CARD14: variants seen among roughly 807,000 people sequenced by gnomAD.
CARD14 encodes caspase recruitment domain family member 14, also known as caspase recruitment domain-containing protein 14.
A neutral mutation model predicts 111.5 loss-of-function variants in CARD14; 107 were observed. The observed-to-expected ratio is 0.96, with a 90% CI of 0.82 to 1.13. CARD14 has a LOEUF of 1.13. Among genes scored for constraint, CARD14 ranks in the 50% most tolerant of loss-of-function variants. The pLI, the probability that CARD14 is intolerant of heterozygous loss-of-function variation, is 0.00. For missense variants in CARD14, 1,322 were observed against 1,362.3 expected (o/e 0.97, Z 0.47); for synonymous variants, 617 against 579.6 (o/e 1.06, Z -0.93).
Position 80,204,266 on chromosome 17 carries a change from A to G in CARD14, c.2323A>G (p.Ser775Gly). ...GGPQKLVRIV[S>G]MDKAKASPLR... is the part of the protein sequence containing the mutation. ...ACCACAGAAGCTGGTCCGCATCGTC[A>G]GTATGGACAAAGCCAAGGCCAGCCC... The change falls in exon 20 of 24, where the codon AGT becomes GGT. Residue 775 changes from serine (S) to glycine (G), a missense_variant. By Grantham distance (56) the Ser-to-Gly change is moderately conservative. Transcript: ENST00000648509. 1.3e-6 allele frequency: 2 copies of G among 1,599,574 alleles called. No individual in the cohort carries two copies. The highest frequency in any genetic ancestry group is 1.7e-5 in the Admixed American group (1 of 59,624).
At chr17:80,180,668 T>C (rs1269198772) in intron 4 of CARD14, among the ~76,000 whole-genome samples, 2 of 151,910 alleles carry the variant, frequency 1.3e-5, no homozygotes, top group Admixed American at 6.6e-5. Context: ...GCCGACAGTC[T>C]TGCTTCTAAT....
At chr17:80,185,342 C>T (rs1319584298) in intron 7 of CARD14, among the ~76,000 whole-genome samples, 3 of 152,118 alleles carry the variant, frequency 2.0e-5, no homozygotes, top group Non-Finnish European at 2.9e-5. Flanking sequence ...TGAGCCCCTG[C>T]GCTGGCCAGC....
At position 80,205,547 on chromosome 17, in the gene CARD14, G is replaced by A. The variant is rs1457399191; in HGVS notation, c.2586G>A (p.Glu862=). The A allele has an allele frequency of 1.3e-6, 2 of 1,585,858 alleles. No homozygotes were observed. Among genetic ancestry groups the A allele is most frequent in the Non-Finnish European group, 1.7e-6 (2 of 1,165,444 alleles). Residue 862 remains glutamate, a synonymous_variant, in exon 22 of 24, where the codon GAG becomes GAA. Coordinates refer to ENST00000648509, the MANE Select transcript of CARD14 (RefSeq NM_001366385.1). The stretch of plus-strand genomic sequence containing the variant: ...CACCTGTAGAGTACTTGAGCCAGGA[G>A]GAGTATGAGGCCTGGAGCCAGAGAG... ...KKCLAEYLSQ[E]EYEAWSQRGD... is the part of the protein sequence containing the mutation.
At chr17:80,176,200 G>T (rs7215759) in intron 2 of CARD14, among the ~76,000 whole-genome samples, 147,123 of 147,150 alleles carry the variant, frequency 1, 73,548 homozygotes, top group Middle Eastern at 1. Flanking sequence ...GAGGCTGAGG[G>T]GGGAGGATCA....
Position 80,182,518 on chromosome 17 carries a change from C to A in CARD14, c.212-135C>A, listed in dbSNP as rs80334117. On this transcript the variant is annotated intron_variant, in intron 5 of 23. Coordinates refer to ENST00000648509, the MANE Select transcript of CARD14 (RefSeq NM_001366385.1). The surrounding 1 kb of genome is among the most constrained non-coding windows in gnomAD (Gnocchi z 4.7). Reference sequence around the variant, plus strand: ...TCCCACCCAGCAGAACCCAGAAAACCGCTTTCACCTCCCGATTCTTACATG... The same window carrying A: ...TCCCACCCAGCAGAACCCAGAAAACAGCTTTCACCTCCCGATTCTTACATG... 1,589 of 1,055,628 alleles carry A rather than the reference C, an allele frequency of 1.5e-3. 23 individuals are homozygous for A. In the African/African-American group the frequency reaches 0.022, roughly 14 times the overall value. 65.4% of individuals were successfully genotyped at this position (1,055,628 alleles called of 1,614,324 possible).
chr17:80,185,959 G>A (rs529497014), intron 7 of CARD14, among the ~76,000 whole-genome samples: 2 of 152,370 alleles, frequency 1.3e-5, no homozygotes, highest in South Asian at 4.1e-4. Flanking sequence ...ACGTCACACC[G>A]TCCACCATTT....
chr17:80,185,680 G>T (rs542156729), intron 7 of CARD14, among the ~76,000 whole-genome samples: 12 of 152,242 alleles, frequency 7.9e-5, no homozygotes, highest in African/African-American at 4.8e-5. Context: ...CCAGCCCAGG[G>T]TCGGGCCCTG....
Position 80,203,947 on chromosome 17 carries a change from G to A in CARD14, c.2283+62G>A. 7.5e-7 allele frequency: 1 copy of A among 1,342,076 alleles called. No individual in the cohort carries two copies. Among genetic ancestry groups the A allele is most frequent in the Non-Finnish European group, 1.0e-6 (1 of 965,390 alleles). 83.1% of individuals were successfully genotyped at this position (1,342,076 alleles called of 1,614,324 possible). A position where few individuals can be genotyped will look rare whatever the true frequency, so the allele number is the denominator to read the frequency against. On this transcript the variant is annotated intron_variant, in intron 19 of 23. Transcript: ENST00000648509. The surrounding 1 kb of genome is among the most constrained non-coding windows in gnomAD (Gnocchi z 4.6). ...TGGGCTGGAAGAGGGGCTCGGTGCT[G>A]GCAGGGTGGCAGGAGGCACTGTGTG...
chr17:80,203,742 ACTCTCCCCTGCTCGG>A lies in CARD14; in HGVS notation c.2220-68_2220-54del, dbSNP rs1412360131. Reference sequence around the variant, plus strand: ...TCTCTCCCACCCGGCCATCTCCCCCACTCTCCCCTGCTCGGCTCTCCCCTGCCCTGCTCACCTGGC... The same window carrying A: ...TCTCTCCCACCCGGCCATCTCCCCCACTCTCCCCTGCCCTGCTCACCTGGC... On this transcript the variant is annotated intron_variant, in intron 18 of 23. Transcript: ENST00000648509. The surrounding 1 kb of genome is among the most constrained non-coding windows in gnomAD (Gnocchi z 4.6). The A allele has an allele frequency of 2.7e-6, 3 of 1,099,092 alleles. No homozygotes were observed. The highest frequency in any genetic ancestry group is 4.0e-6 in the Non-Finnish European group (3 of 753,728). The allele number at this position is 1,099,092 out of a possible 1,614,324, so 68.1% of individuals were successfully genotyped here. A position where few individuals can be genotyped will look rare whatever the true frequency, so the allele number is the denominator to read the frequency against.
chr17:80,183,783 CATGCTCACCCGCCCA>C, intron 6 of CARD14, 115 bp from the exon 7 acceptor site: 1 of 688,994 alleles, frequency 1.5e-6, no homozygotes, highest in Non-Finnish European at 2.3e-6. Context: ...CACCCGCCCA[CATGCTCACCCGCCCA>C]CATGCTCACC....
intron 16 of CARD14, among the ~76,000 whole-genome samples, chr17:80,200,278 C>T (rs1431377578): frequency 2.1e-5 from 3 of 146,062 alleles, no homozygotes; most frequent in Non-Finnish European, 3.0e-5. Flanking sequence ...GCTCTGTCGC[C>T]CAGGCTGGAG....
chr17:80,191,411 C>G lies in CARD14; in HGVS notation c.1178C>G (p.Thr393Arg), dbSNP rs149287760. The G allele has an allele frequency of 2.5e-6, 4 of 1,613,656 alleles. 1 individual carries two copies. Among genetic ancestry groups the G allele is most frequent in the South Asian group, 2.2e-5 (2 of 91,060 alleles). Reference protein sequence around the residue: ...DSLRRQVFELTDQVCELRTQL... With the variant: ...DSLRRQVFELRDQVCELRTQL... ...CTCCGCAGGCAGGTGTTCGAGCTGACGGACCAGGTCTGCGAGCTGCGCACA... is the reference window on the plus strand; with the variant it reads ...CTCCGCAGGCAGGTGTTCGAGCTGAGGGACCAGGTCTGCGAGCTGCGCACA... Residue 393 changes from threonine (T) to arginine (R), a missense_variant, in exon 11 of 24, where the codon ACG becomes AGG. Transcript: ENST00000648509.
chr17:80,204,150 A>G, intron 19 of CARD14, 77 bp from the exon 20 acceptor site: 5 of 1,422,542 alleles, frequency 3.5e-6, no homozygotes, highest in Non-Finnish European at 4.8e-6. Context: ...CCCTAGTGCC[A>G]ATCATCTCCC....
Position 80,203,811 on chromosome 17 carries a change from G to A in CARD14, c.2220-11G>A. 1 of 1,564,582 alleles carries A rather than the reference G, an allele frequency of 6.4e-7. No homozygotes were observed. The highest frequency in any genetic ancestry group is 1.9e-5 in the Admixed American group (1 of 52,086). The stretch of plus-strand genomic sequence containing the variant: ...AGGCAGCTGGGTCAGGGCCTCTGCT[G>A]GTCTCTGCAGGGCTCAGCAGCAGCT... On this transcript the variant is annotated splice_polypyrimidine_tract_variant and intron_variant, in intron 18 of 23. Coordinates refer to ENST00000648509, the MANE Select transcript of CARD14 (RefSeq NM_001366385.1). The surrounding 1 kb of genome is among the most constrained non-coding windows in gnomAD (Gnocchi z 4.6).
intron 12 of CARD14, among the ~76,000 whole-genome samples, chr17:80,194,681 C>G (rs562961691): frequency 6.6e-6 from 1 of 152,096 alleles, no homozygotes; most frequent in Non-Finnish European, 1.5e-5. Flanking sequence ...CTTCGCAGAG[C>G]GGCAGGAGAG....
rs5822329 is a variant in CARD14, at chr17:80,203,269, C to CAAA, written c.2220-540_2220-538dup. The CAAA allele has an allele frequency of 9.2e-6, 1 of 108,662 alleles. No homozygotes were observed. The highest frequency in any genetic ancestry group is 2.1e-5 in the Non-Finnish European group (1 of 48,458). The allele number at this position is 108,662 out of a possible 1,614,324, so 6.7% of individuals were successfully genotyped here. On this transcript the variant is annotated intron_variant, in intron 18 of 23. Coordinates refer to ENST00000648509, the MANE Select transcript of CARD14 (RefSeq NM_001366385.1). This position sits in a 1 kb window ranked among gnomAD's most constrained non-coding sequence, Gnocchi z 4.6. Reference sequence around the variant, plus strand: ...TGGGCGACAGAGTGAGACTCTGTCTCAAAAAAAAAAAAAAAGAAAAGGAAA... The same window carrying CAAA: ...TGGGCGACAGAGTGAGACTCTGTCTCAAAAAAAAAAAAAAAAAAGAAAAGGAAA...
Position 80,182,690 on chromosome 17 carries a change from C to T in CARD14, c.249C>T (p.Asn83=), listed in dbSNP as rs148170776. Residue 83 remains asparagine (N), a synonymous_variant, in exon 6 of 24, where the codon AAC becomes AAT. Transcript: ENST00000648509. The surrounding 1 kb of genome is among the most constrained non-coding windows in gnomAD (Gnocchi z 4.7). ...ATTTGCTGAAGACTCGAGGGAAGAACGGGGCCATCGCCTTCCTGGAGAGCC... is the reference window on the plus strand; with the variant it reads ...ATTTGCTGAAGACTCGAGGGAAGAATGGGGCCATCGCCTTCCTGGAGAGCC... The part of the protein sequence containing the change: ...LLDLLKTRGK[N]GAIAFLESLK... 105 of 1,614,130 alleles carry T rather than the reference C, an allele frequency of 6.5e-5. No individual in the cohort carries two copies. The highest frequency in any genetic ancestry group is 3.3e-4 in the African/African-American group (25 of 75,040).
intron 18 of CARD14, 114 bp downstream of exon 18, chr17:80,202,534 C>A (rs2041041279): frequency 8.0e-6 from 12 of 1,493,530 alleles, no homozygotes; most frequent in Non-Finnish European, 9.8e-6. Flanking sequence ...CGTGGTGAGA[C>A]CCCCCTAAGG....
In CARD14 at chr17:80,201,731, G is replaced by T. The variant is rs1287168480; in HGVS notation, c.1852-13G>T. The T allele has an allele frequency of 8.1e-6, 13 of 1,613,832 alleles. No individual in the cohort carries two copies. Among genetic ancestry groups the T allele is most frequent in the Non-Finnish European group, 1.0e-5 (12 of 1,179,940 alleles). On this transcript the variant is annotated splice_polypyrimidine_tract_variant and intron_variant, in intron 16 of 23. Coordinates refer to ENST00000648509, the MANE Select transcript of CARD14 (RefSeq NM_001366385.1). The surrounding 1 kb of genome is among the most constrained non-coding windows in gnomAD (Gnocchi z 5.0). ...CCGGGGGAAAGAGACTGACCTTCTCGACTTGCCCTCAGGTTGATTACGAAG... is the reference window on the plus strand; with the variant it reads ...CCGGGGGAAAGAGACTGACCTTCTCTACTTGCCCTCAGGTTGATTACGAAG...
Sources: gnomAD v4.1 joint callset for allele counts (sites outside exome capture counted in the v4.1 genomes callset) on GRCh38, gnomAD v4.1.1 for gene constraint, Gnocchi (gnomAD v3.1) non-coding constraint, MANE v1.5 for transcripts, NCBI Gene and HGNC (gene_info 2026-07-23, HGNC 2026-07-21) for gene names.